Variants in AGBL4 observed in about 807,000 individuals in gnomAD.
AGBL4 encodes AGBL carboxypeptidase 4.
A neutral mutation model predicts 66.4 loss-of-function variants in AGBL4; 58 were observed. That is an observed-to-expected ratio of 0.87 (90% CI 0.71 to 1.09). The LOEUF (loss-of-function observed/expected upper bound fraction) is 1.09. AGBL4 is among the 50% of genes least tolerant of loss of function. The pLI, the probability that AGBL4 is intolerant of heterozygous loss-of-function variation, is 0.00. For missense variants in AGBL4, 579 were observed against 631.0 expected (o/e 0.92, Z 0.88); for synonymous variants, 234 against 222.9 (o/e 1.05, Z -0.44).
chr1:49,486,031 C>T (rs1043004588), intron 3 of AGBL4, among the ~76,000 whole-genome samples: 1 of 151,938 alleles, frequency 6.6e-6, no homozygotes, highest in Non-Finnish European at 1.5e-5. Flanking sequence ...CCCCCATTTA[C>T]CCTGATGTGA....
chr1:48,769,532 C>CAG (rs1469309043), intron 6 of AGBL4, among the ~76,000 whole-genome samples: 1 of 130,086 alleles, frequency 7.7e-6, no homozygotes, highest in Non-Finnish European at 1.6e-5. Flanking sequence ...TTAAAACACA[C>CAG]ACACACACAC....
chr1:49,347,959 G>T (rs779396649), intron 3 of AGBL4, among the ~76,000 whole-genome samples: 1 of 152,070 alleles, frequency 6.6e-6, no homozygotes, highest in Non-Finnish European at 1.5e-5. Flanking sequence ...CCTCTCTTGG[G>T]GTCTGGATCA....
At chr1:50,019,298 TCTCTCTCTCACA>T (rs1260946391) in intron 1 of AGBL4, among the ~76,000 whole-genome samples, 2 of 76,990 alleles carry the variant, frequency 2.6e-5, no homozygotes, top group Non-Finnish European at 5.7e-5. Flanking sequence ...TCTCTCTCTC[TCTCTCTCTCACA>T]CACACACACA....
intron 3 of AGBL4, among the ~76,000 whole-genome samples, chr1:49,595,957 T>C (rs1484920682): frequency 6.6e-6 from 1 of 152,126 alleles, no homozygotes; most frequent in African/African-American, 2.4e-5. Flanking sequence ...ATGCAGGCTC[T>C]CCCAAGATCT....
chr1:49,284,092 G>A (rs1644347137), intron 3 of AGBL4, among the ~76,000 whole-genome samples: 1 of 151,842 alleles, frequency 6.6e-6, no homozygotes, highest in Non-Finnish European at 1.5e-5. Context: ...TTGAAATGAA[G>A]GAAAAAATGT....
intron 6 of AGBL4, among the ~76,000 whole-genome samples, chr1:48,714,796 C>T (rs534764939): frequency 2.0e-4 from 31 of 152,282 alleles, no homozygotes; most frequent in Non-Finnish European, 4.1e-4. Flanking sequence ...TCCAGCAGGC[C>T]CTGCTTGGAA....
At chr1:48,601,497 A>G (rs1645072479) in intron 9 of AGBL4, among the ~76,000 whole-genome samples, 1 of 152,328 alleles carries the variant, frequency 6.6e-6, no homozygotes, top group South Asian at 2.1e-4. Context: ...GCAATGAGGA[A>G]TGTGAAGAAG....
At chr1:49,239,846 A>C (rs1324466200) in intron 4 of AGBL4, among the ~76,000 whole-genome samples, 1 of 152,070 alleles carries the variant, frequency 6.6e-6, no homozygotes, top group Non-Finnish European at 1.5e-5. Context: ...ATAATAAATA[A>C]ATAATATATT....
chr1:49,607,243 C>T (rs922064823), intron 3 of AGBL4, among the ~76,000 whole-genome samples: 5 of 152,124 alleles, frequency 3.3e-5, no homozygotes, highest in African/African-American at 9.7e-5. Flanking sequence ...AACAATCTGA[C>T]ACCTAGGATC....
At chr1:48,563,654 A>G (rs1644430823) in intron 11 of AGBL4, among the ~76,000 whole-genome samples, 1 of 52,042 alleles carries the variant, frequency 1.9e-5, no homozygotes, top group Non-Finnish European at 6.9e-5. Context: ...ACTTACAGAT[A>G]GATAGACAGA....
intron 11 of AGBL4, among the ~76,000 whole-genome samples, chr1:48,562,642 T>A (rs1644413133): frequency 6.6e-6 from 1 of 152,158 alleles, no homozygotes; most frequent in Non-Finnish European, 1.5e-5. Flanking sequence ...TAATAAAGCA[T>A]CAGTAAAAAC....
chr1:49,564,060 T>G (rs1287551261), intron 3 of AGBL4, among the ~76,000 whole-genome samples: 8 of 152,198 alleles, frequency 5.3e-5, no homozygotes, highest in Admixed American at 5.2e-4. Context: ...GTCGAGGAAT[T>G]TATCCATTTC....
At chr1:49,334,306 T>C (rs987998627) in intron 3 of AGBL4, among the ~76,000 whole-genome samples, 2 of 152,212 alleles carry the variant, frequency 1.3e-5, no homozygotes, top group Non-Finnish European at 2.9e-5. Context: ...CTTTTTCTAC[T>C]ATATCAAATG....
At chr1:49,995,355 G>T (rs1188529984) in intron 1 of AGBL4, 1 of 447,918 alleles carries the variant, frequency 2.2e-6, no homozygotes, top group Non-Finnish European at 4.5e-6. Flanking sequence ...GTTGGAGCTG[G>T]ATGAGGCCTG....
intron 2 of AGBL4, among the ~76,000 whole-genome samples, chr1:49,776,184 G>C: frequency 6.6e-6 from 1 of 152,074 alleles, no homozygotes; most frequent in East Asian, 1.9e-4. Context: ...GGGAGAATCA[G>C]CAATATTTGA....
At chr1:49,451,439 A>G (rs1046770541) in intron 3 of AGBL4, among the ~76,000 whole-genome samples, 1 of 152,004 alleles carries the variant, frequency 6.6e-6, no homozygotes, top group Admixed American at 6.6e-5. Flanking sequence ...ACCCACACTC[A>G]AGGAAAGGAA....
chr1:48,527,850 C>T, the AGBL4 span, among the ~76,000 whole-genome samples: 163 of 152,176 alleles, frequency 1.1e-3, no homozygotes, highest in African/African-American at 3.7e-3. Context: ...ACACAAAAGT[C>T]GGATGATATC....
At chr1:49,250,707 C>T (rs1651986789) in intron 3 of AGBL4, among the ~76,000 whole-genome samples, 1 of 152,152 alleles carries the variant, frequency 6.6e-6, no homozygotes, top group South Asian at 2.1e-4. Context: ...TCCCAAAGGG[C>T]TGGGATTACA....
chr1:49,230,756 A>G (rs1650249098), intron 4 of AGBL4, among the ~76,000 whole-genome samples: 1 of 152,022 alleles, frequency 6.6e-6, no homozygotes, highest in African/African-American at 2.4e-5. Context: ...TATCCCTTCT[A>G]TTTCAGTTAC....
Sources: allele counts gnomAD v4.1 joint callset (sites outside exome capture counted in the v4.1 genomes callset), GRCh38; gene constraint gnomAD v4.1.1; transcripts MANE v1.5; gene names NCBI Gene and HGNC (gene_info 2026-07-23, HGNC 2026-07-21).